Variants in HEPHL1 observed in about 807,000 individuals in gnomAD.
HEPHL1 encodes the protein hephaestin like 1, also known as ferroxidase HEPHL1.
HEPHL1 carries 123 observed loss-of-function variants against 122.0 expected under a neutral mutation model. That is an observed-to-expected ratio of 1.01 (90% CI 0.87 to 1.17). The LOEUF is 1.17. HEPHL1 is among the 50% of genes most tolerant of loss of function. HEPHL1 has a pLI of 0.00. For missense variants in HEPHL1, 1,452 were observed against 1,430.5 expected, an observed-to-expected ratio of 1.01 and a Z score of -0.24; for synonymous variants, 527 against 508.9, an observed-to-expected ratio of 1.04 and a Z score of -0.48.
At chr11:94,096,462 G>A (rs1373000679) in intron 13 of HEPHL1, among the ~76,000 whole-genome samples, 11 of 152,192 alleles carry the variant, frequency 7.2e-5, no homozygotes, top group African/African-American at 2.7e-4. Flanking sequence ...GTTCATTAGG[G>A]ATATTGGTCT....
chr11:94,101,595 C>T (rs778400396), intron 14 of HEPHL1, among the ~76,000 whole-genome samples: 7 of 152,304 alleles, frequency 4.6e-5, no homozygotes, highest in Admixed American at 1.3e-4. Context: ...GATGAACCTA[C>T]ATTGATACAT....
At chr11:94,076,819 A>G (rs1416024493) in intron 9 of HEPHL1, among the ~76,000 whole-genome samples, 1 of 152,082 alleles carries the variant, frequency 6.6e-6, no homozygotes, top group East Asian at 1.9e-4. Flanking sequence ...TTTCCAGTAA[A>G]TTGTCATAAA....
chr11:94,045,691 C>A lies in HEPHL1; in HGVS notation c.189C>A (p.Leu63=). Residue 63 remains leucine (L), a synonymous_variant, in exon 2 of 20, where the codon CTC becomes CTA. Transcript: ENST00000315765. ...FTEDKLATLF[L]ERGPNRIGSI... is the part of the protein sequence containing the mutation. ...CTTTTAGACTTGCAACCTTATTTCT[C>A]GAAAGAGGGCCCAACAGGATAGGCA... 1.2e-6 allele frequency: 2 copies of A among 1,606,162 alleles called. No individual in the cohort carries two copies. The highest frequency in any genetic ancestry group is 2.2e-5 in the East Asian group (1 of 44,804).
rs1565355620 is a variant in HEPHL1, at chr11:94,075,212, A to G, written c.1543A>G (p.Thr515Ala). ...KPGAHVKPGE[T>A]FTYKWTVPES... is the part of the protein sequence containing the mutation. ...AGGGGCGCATGTTAAACCAGGTGAA[A>G]CCTTCACATACAAGTGGACAGTGCC... The change falls in exon 9 of 20, where the codon ACC becomes GCC. Residue 515 changes from threonine (T) to alanine (A), a missense_variant. Thr to Ala is a moderately conservative substitution (Grantham distance 58). Coordinates refer to ENST00000315765, the MANE Select transcript of HEPHL1 (RefSeq NM_001098672.2). 1 of 1,613,294 alleles carries G rather than the reference A, an allele frequency of 6.2e-7. No homozygotes were observed. Among genetic ancestry groups the G allele is most frequent in the Non-Finnish European group, 8.5e-7 (1 of 1,179,562 alleles).
intron 13 of HEPHL1, among the ~76,000 whole-genome samples, chr11:94,095,280 G>T (rs908796190): frequency 2.6e-5 from 4 of 152,118 alleles, no homozygotes; most frequent in Non-Finnish European, 4.4e-5. Flanking sequence ...GTTTTTGTCA[G>T]GTTTGTCAAA....
At chr11:94,079,775 G>A (rs985336379) in intron 9 of HEPHL1, among the ~76,000 whole-genome samples, 1 of 152,132 alleles carries the variant, frequency 6.6e-6, no homozygotes, top group African/African-American at 2.4e-5. Context: ...AGATGAGACT[G>A]TATTGTCCAA....
intron 1 of HEPHL1, among the ~76,000 whole-genome samples, chr11:94,040,151 ACT>A (rs1945763690): frequency 1.3e-5 from 1 of 79,240 alleles, no homozygotes; most frequent in Non-Finnish European, 2.5e-5. Flanking sequence ...CGACACATAC[ACT>A]CTCCCAAGAT....
chr11:94,112,995 A>G lies in HEPHL1; in HGVS notation c.*1101A>G, dbSNP rs1162225905. 1 of 152,194 alleles carries G rather than the reference A, an allele frequency of 6.6e-6. No homozygotes were observed. The highest frequency in any genetic ancestry group is 6.5e-5 in the Admixed American group (1 of 15,282). The allele number at this position is 152,194 out of a possible 1,614,324, so 9.4% of individuals were successfully genotyped here. ...AAGACATACCTCTTCATGGAAGGAGAAAAAAGGAAAAGGAAAGGTGAGAAA... is the reference window on the plus strand; with the variant it reads ...AAGACATACCTCTTCATGGAAGGAGGAAAAAGGAAAAGGAAAGGTGAGAAA... On this transcript the variant is annotated 3_prime_UTR_variant, in exon 20 of 20. Coordinates refer to ENST00000315765, the MANE Select transcript of HEPHL1 (RefSeq NM_001098672.2).
chr11:94,023,277 T>A (rs1945596708), intron 1 of HEPHL1, among the ~76,000 whole-genome samples: 1 of 152,208 alleles, frequency 6.6e-6, no homozygotes, highest in Non-Finnish European at 1.5e-5. Flanking sequence ...AAGCCAAGGA[T>A]CACAGTAATA....
intron 9 of HEPHL1, among the ~76,000 whole-genome samples, chr11:94,078,388 C>A (rs953319032): frequency 7.0e-6 from 1 of 143,858 alleles, no homozygotes; most frequent in African/African-American, 2.6e-5. Context: ...TATGTACTAA[C>A]ATATACTGTT....
rs143142076 is a variant in HEPHL1, at chr11:94,088,481, G to C, written c.2081-274G>C. Among the ~76,000 whole-genome samples the C allele has an allele frequency of 3.6e-3, 552 of 152,252 alleles. 4 individuals carry two copies. Among genetic ancestry groups the C allele is most frequent in the African/African-American group, 0.012 (511 of 41,548 alleles). On this transcript the variant is annotated intron_variant, in intron 11 of 19. Transcript: ENST00000315765. The stretch of plus-strand genomic sequence containing the variant: ...CTTCTAATAGGTGTGAATTATATGG[G>C]AGACCCAGAAAAGTCATTTCTTGGT...
At chr11:94,035,055 T>G (rs1053769599) in intron 1 of HEPHL1, among the ~76,000 whole-genome samples, 1 of 152,214 alleles carries the variant, frequency 6.6e-6, no homozygotes, top group African/African-American at 2.4e-5. Flanking sequence ...CTAAATGCCT[T>G]AGCCAAGCAC....
intron 18 of HEPHL1, 92 bp from the exon 19 acceptor site, chr11:94,111,445 T>C (rs1247009207): frequency 2.0e-6 from 2 of 980,178 alleles, no homozygotes; most frequent in African/African-American, 1.6e-5. Context: ...ACTGATGGGA[T>C]AAGTCCTCGC....
At chr11:94,106,219 TA>T (rs1946407473) in intron 17 of HEPHL1, 89 bp downstream of exon 17, 1 of 1,028,646 alleles carries the variant, frequency 9.7e-7, no homozygotes, top group African/African-American at 1.6e-5. Context: ...TACTTGGCAA[TA>T]ATGCTTGTGA....
At chr11:94,044,275 A>T (rs1945814227) in intron 1 of HEPHL1, among the ~76,000 whole-genome samples, 2 of 152,062 alleles carry the variant, frequency 1.3e-5, no homozygotes, top group Non-Finnish European at 2.9e-5. Flanking sequence ...GGTCATCTCA[A>T]GTCTTAGAAT....
chr11:94,101,094 A>G (rs781744362), intron 13 of HEPHL1, 101 bp from the exon 14 acceptor site: 58 of 1,360,468 alleles, frequency 4.3e-5, no homozygotes, highest in Non-Finnish European at 5.7e-5. Context: ...AAAAACAACT[A>G]AAGCCAAACT....
rs547611091 is a variant in HEPHL1 at position 94,067,515 on chromosome 11, C to T, written c.828C>T (p.Phe276=). The T allele has an allele frequency of 5.8e-4, 931 of 1,613,568 alleles. 5 individuals carry two copies. The South Asian group carries it at 9.4e-3, about 16-fold the overall frequency. The part of the protein sequence containing the change: ...NKMHALNGYL[F]GNFPEPDMCV... Reference sequence around the variant, plus strand: ...TTCCAGCCCTCAATGGATACCTCTTCGGAAACTTCCCGGAGCCTGATATGT... The same window carrying T: ...TTCCAGCCCTCAATGGATACCTCTTTGGAAACTTCCCGGAGCCTGATATGT... Residue 276 remains phenylalanine (F), a synonymous_variant, in exon 5 of 20, where the codon TTC becomes TTT. Transcript: ENST00000315765.
intron 2 of HEPHL1, among the ~76,000 whole-genome samples, chr11:94,047,030 A>G (rs1408530478): frequency 6.6e-6 from 1 of 152,190 alleles, no homozygotes; most frequent in East Asian, 1.9e-4. Context: ...ATAAGCAGCG[A>G]GAGGAGAGAA....
At chr11:94,111,173 T>C in intron 18 of HEPHL1, 108 bp downstream of exon 18, 1 of 845,202 alleles carries the variant, frequency 1.2e-6, no homozygotes. Flanking sequence ...AAGCTCAGAG[T>C]CAAGTAAGAG....
Sources: gnomAD v4.1 joint callset for allele counts (sites outside exome capture counted in the v4.1 genomes callset) on GRCh38, gnomAD v4.1.1 for gene constraint, MANE v1.5 for transcripts, NCBI Gene and HGNC (gene_info 2026-07-23, HGNC 2026-07-21) for gene names.